Variants in TMTC1 observed in about 807,000 individuals in gnomAD.
The protein encoded by TMTC1 is protein O-mannosyl-transferase TMTC1.
In TMTC1, 73 loss-of-function variants were observed where a neutral mutation model predicts 104.8. That is an observed-to-expected ratio of 0.70 (90% CI 0.58 to 0.85). TMTC1 has a LOEUF of 0.85. Among genes scored for constraint, TMTC1 ranks in the 40% least tolerant of loss-of-function variants. The pLI is 0.00. For missense variants in TMTC1, 1,035 were observed against 1,096.1 expected, an observed-to-expected ratio of 0.94 and a Z score of 0.79; for synonymous variants, 434 against 428.7, an observed-to-expected ratio of 1.01 and a Z score of -0.15.
At chr12:29,643,084 C>G (rs1431871473) in intron 5 of TMTC1, among the ~76,000 whole-genome samples, 3 of 151,790 alleles carry the variant, frequency 2.0e-5, no homozygotes, top group African/African-American at 7.3e-5. Flanking sequence ...AAATCAAAAC[C>G]ACAATGTGAT....
At chr12:29,524,811 C>T (rs1349606082) in intron 11 of TMTC1, among the ~76,000 whole-genome samples, 1 of 152,164 alleles carries the variant, frequency 6.6e-6, no homozygotes, top group African/African-American at 2.4e-5. Context: ...ATAAGACTGT[C>T]AATGTATAAT....
chr12:29,517,784 T>C (rs1397909647), intron 13 of TMTC1, among the ~76,000 whole-genome samples: 2 of 152,070 alleles, frequency 1.3e-5, no homozygotes, highest in African/African-American at 4.8e-5. Flanking sequence ...GGCACAATCT[T>C]GGCTCATGCA....
chr12:29,713,448 C>A (rs1358274639), intron 5 of TMTC1, among the ~76,000 whole-genome samples: 1 of 152,012 alleles, frequency 6.6e-6, no homozygotes, highest in African/African-American at 2.4e-5. Context: ...AACACTAACA[C>A]ACCGATGCAT....
chr12:29,612,011 T>C (rs1311996706), intron 6 of TMTC1, among the ~76,000 whole-genome samples: 1 of 152,150 alleles, frequency 6.6e-6, no homozygotes. Context: ...ATGAGAGACT[T>C]CTCTTAGTTG....
chr12:29,689,359 G>T (rs1313126260), intron 5 of TMTC1, among the ~76,000 whole-genome samples: 6 of 151,922 alleles, frequency 3.9e-5, no homozygotes, highest in African/African-American at 1.2e-4. Flanking sequence ...CTGTTGCCGA[G>T]GCTGGAGTGC....
chr12:29,640,890 G>A (rs892149936), intron 5 of TMTC1: 3 of 152,222 alleles, frequency 2.0e-5, no homozygotes, highest in Admixed American at 6.6e-5. Context: ...CGGTCTGGGG[G>A]TTGTTGAGGG....
chr12:29,779,471 T>C (rs185125167), intron 1 of TMTC1, among the ~76,000 whole-genome samples: 1 of 152,310 alleles, frequency 6.6e-6, no homozygotes, highest in African/African-American at 2.4e-5. Context: ...TTTCCTCATT[T>C]CAAATTTTAG....
chr12:29,696,484 T>C (rs992455494), intron 5 of TMTC1, among the ~76,000 whole-genome samples: 1 of 152,214 alleles, frequency 6.6e-6, no homozygotes, highest in Non-Finnish European at 1.5e-5. Context: ...CTCATTTTCA[T>C]GTTAATTTTT....
chr12:29,557,177 A>C (rs1298214419), intron 9 of TMTC1, among the ~76,000 whole-genome samples, 177 bp from the exon 10 acceptor site: 1 of 152,196 alleles, frequency 6.6e-6, no homozygotes, highest in Non-Finnish European at 1.5e-5. Flanking sequence ...GAAAGTATAT[A>C]ATTAGGGCAG....
At chr12:29,662,666 CAAAAA>C (rs35610791) in intron 5 of TMTC1, among the ~76,000 whole-genome samples, 4 of 86,606 alleles carry the variant, frequency 4.6e-5, no homozygotes, top group Admixed American at 1.3e-4. Flanking sequence ...GACTCCGTCT[CAAAAA>C]AAAAAAAAAA....
intron 9 of TMTC1, among the ~76,000 whole-genome samples, chr12:29,564,786 C>CGGTT (rs1945463929): frequency 6.6e-6 from 1 of 151,958 alleles, no homozygotes; most frequent in Non-Finnish European, 1.5e-5. Flanking sequence ...CAGACAGGCT[C>CGGTT]GGTTGTTTGT....
intron 15 of TMTC1, among the ~76,000 whole-genome samples, chr12:29,516,060 A>C (rs1284316419): frequency 1.3e-5 from 2 of 152,046 alleles, no homozygotes; most frequent in Non-Finnish European, 2.9e-5. Context: ...ATACAAAATA[A>C]TAAAGCATAT....
At chr12:29,641,765 A>G (rs1429986988) in intron 5 of TMTC1, among the ~76,000 whole-genome samples, 1 of 152,178 alleles carries the variant, frequency 6.6e-6, no homozygotes, top group Non-Finnish European at 1.5e-5. Context: ...TACCTGGAGA[A>G]GAATTCAGGA....
rs191058192 is a variant in TMTC1 at position 29,777,206 on chromosome 12, T to C, written c.302+6244A>G. ...GCCTCCCAGGTTCGAGCAATTCTCC[T>C]GCCTCAGCCTCCCGAGCAGCTGGGA... On this transcript the variant is annotated intron_variant, in intron 1 of 17. Transcript: ENST00000539277. Among the ~76,000 whole-genome samples the C allele has an allele frequency of 5.0e-3, 757 of 152,200 alleles. 6 individuals are homozygous for C. The highest frequency in any genetic ancestry group is 0.017 in the African/African-American group (725 of 41,540).
intron 6 of TMTC1, among the ~76,000 whole-genome samples, chr12:29,615,134 G>T (rs1228836544): frequency 6.6e-6 from 1 of 152,202 alleles, no homozygotes. Flanking sequence ...AAGTTGCCAG[G>T]TTCTTTTGTA....
At chr12:29,555,535 T>C (rs1317447309) in intron 10 of TMTC1, among the ~76,000 whole-genome samples, 2 of 152,038 alleles carry the variant, frequency 1.3e-5, no homozygotes, top group African/African-American at 4.8e-5. Context: ...CCATGTGTTC[T>C]CATTGTTCAA....
intron 11 of TMTC1, among the ~76,000 whole-genome samples, chr12:29,523,853 CTT>C (rs1350320195): frequency 6.6e-6 from 1 of 152,068 alleles, no homozygotes; most frequent in East Asian, 1.9e-4. Context: ...TTATGTCACA[CTT>C]AGCATGAGTG....
rs1279289002 is a variant in TMTC1 at position 29,650,843 on chromosome 12, G to A, written c.939-17507C>T. On this transcript the variant is annotated intron_variant, in intron 5 of 17. Transcript: ENST00000539277. ...TGGTGGTTCATGAAACAGGCTTGAGGACTCTTGTTGATATGTGAATAGAGG... is the reference window on the plus strand; with the variant it reads ...TGGTGGTTCATGAAACAGGCTTGAGAACTCTTGTTGATATGTGAATAGAGG... 2.0e-5 allele frequency among the ~76,000 whole-genome samples: 3 copies of A among 152,184 alleles called. No individual in the cohort carries two copies. In the South Asian group the frequency reaches 6.2e-4, roughly 32 times the overall value.
chr12:29,675,589 TACACACACACACACACACAC>T lies in TMTC1; in HGVS notation c.939-42273_939-42254del, dbSNP rs10605906. ...TCTGTGCCCTGGACACACATGCAAA[TACACACACACACACACACAC>T]ACACACACACACACACACACACCCT... On this transcript the variant is annotated intron_variant, in intron 5 of 17. Transcript: ENST00000539277. Among the ~76,000 whole-genome samples, 193 of 116,616 alleles carry T rather than the reference TACACACACACACACACACAC, an allele frequency of 1.7e-3. 1 individual carries two copies. The highest frequency in any genetic ancestry group is 4.5e-3 in the Middle Eastern group (1 of 220). The allele number at this position is 116,616 out of a possible 152,430, so 76.5% of individuals were successfully genotyped here.
Sources: gnomAD v4.1 joint callset for allele counts (sites outside exome capture counted in the v4.1 genomes callset) on GRCh38, gnomAD v4.1.1 for gene constraint, MANE v1.5 for transcripts, NCBI Gene and HGNC (gene_info 2026-07-23, HGNC 2026-07-21) for gene names.